RBMS3: variants seen among roughly 807,000 people sequenced by gnomAD.
RBMS3 encodes RNA binding motif single stranded interacting protein 3.
A neutral mutation model predicts 66.8 loss-of-function variants in RBMS3; 27 were observed. That is an observed-to-expected ratio of 0.40 (90% CI 0.30 to 0.56). The LOEUF is 0.56. Ranked by LOEUF, RBMS3 falls within the 20% of genes least tolerant of loss-of-function variation. The pLI, the probability that RBMS3 is intolerant of heterozygous loss-of-function variation, is 0.40. For missense variants in RBMS3, 513 were observed against 549.5 expected (o/e 0.93, Z 0.66); for synonymous variants, 188 against 183.0 (o/e 1.03, Z -0.22).
At chr3:29,749,597 G>A (rs1312086985) in intron 5 of RBMS3, among the ~76,000 whole-genome samples, 1 of 152,056 alleles carries the variant, frequency 6.6e-6, no homozygotes, top group African/African-American at 2.4e-5. Flanking sequence ...ATATGAATTG[G>A]GTAAAGTCCT....
chr3:29,391,560 A>G (rs1031634636), intron 1 of RBMS3, among the ~76,000 whole-genome samples: 1 of 152,206 alleles, frequency 6.6e-6, no homozygotes, highest in African/African-American at 2.4e-5. Context: ...TTAAAAAGCT[A>G]TTATAGTTAT....
intron 4 of RBMS3, among the ~76,000 whole-genome samples, chr3:29,610,511 C>T (rs1424561514): frequency 1.3e-5 from 2 of 151,976 alleles, no homozygotes; most frequent in African/African-American, 2.4e-5. Flanking sequence ...CTTCTTTGAG[C>T]CTTCCTTGAT....
At chr3:29,909,811 C>T (rs1900906) in intron 10 of RBMS3, among the ~76,000 whole-genome samples, 3,554 of 152,082 alleles carry the variant, frequency 0.023, 155 homozygotes, top group African/African-American at 0.082. Flanking sequence ...ATGTGGCCTA[C>T]CTTTCTGCAT....
At chr3:29,798,256 A>AAAGGG (rs1243557825) in intron 6 of RBMS3, among the ~76,000 whole-genome samples, 1,999 of 102,116 alleles carry the variant, frequency 0.02, 80 homozygotes, top group African/African-American at 0.06. Flanking sequence ...GGACAGAAGA[A>AAAGGG]AAGGGAAGGG....
chr3:29,377,277 G>A (rs1328199431), intron 1 of RBMS3, among the ~76,000 whole-genome samples: 2 of 152,122 alleles, frequency 1.3e-5, no homozygotes, highest in African/African-American at 2.4e-5. Flanking sequence ...GGAACCACTG[G>A]TTGTCAGATG....
intron 12 of RBMS3, among the ~76,000 whole-genome samples, chr3:29,978,990 G>T (rs1697784676): frequency 6.6e-6 from 1 of 152,014 alleles, no homozygotes; most frequent in Admixed American, 6.6e-5. Flanking sequence ...AGCATATCTA[G>T]GCATGGTGGT....
At chr3:29,723,897 T>A (rs921420373) in intron 4 of RBMS3, among the ~76,000 whole-genome samples, 2 of 152,100 alleles carry the variant, frequency 1.3e-5, no homozygotes, top group African/African-American at 4.8e-5. Context: ...TTCTGAATAA[T>A]AGCATTTATT....
In RBMS3 at chr3:29,438,954, C is replaced by T. The variant is rs146266244; in HGVS notation, c.248+4039C>T. 4.6e-5 allele frequency among the ~76,000 whole-genome samples: 7 copies of T among 152,038 alleles called. No individual in the cohort carries two copies. In the South Asian group the frequency reaches 1.0e-3, roughly 23 times the overall value. On this transcript the variant is annotated intron_variant, in intron 2 of 14. Coordinates refer to ENST00000383767, the MANE Select transcript of RBMS3 (RefSeq NM_001003793.3). Reference sequence around the variant, plus strand: ...AGCACAAGATTAGACCTAGTTAGGGCGATTAGCAAAGGTATCTCTGAGGAA... The same window carrying T: ...AGCACAAGATTAGACCTAGTTAGGGTGATTAGCAAAGGTATCTCTGAGGAA...
intron 3 of RBMS3, among the ~76,000 whole-genome samples, chr3:29,557,207 TA>T (rs2046396261): frequency 6.6e-6 from 1 of 152,242 alleles, no homozygotes; most frequent in South Asian, 2.1e-4. Flanking sequence ...TCTGAGTTAA[TA>T]AATCTTTTAA....
intron 6 of RBMS3, among the ~76,000 whole-genome samples, chr3:29,769,050 C>T (rs903590993): frequency 6.6e-6 from 1 of 151,742 alleles, no homozygotes; most frequent in Non-Finnish European, 1.5e-5. Flanking sequence ...TTTCATGGCC[C>T]AAATGTACTG....
intron 6 of RBMS3, among the ~76,000 whole-genome samples, chr3:29,775,010 G>A (rs953964504): frequency 6.6e-6 from 1 of 151,640 alleles, no homozygotes; most frequent in Non-Finnish European, 1.5e-5. Flanking sequence ...AGAGTGTAAA[G>A]AGGCCCTGAG....
chr3:29,383,800 C>T (rs910194241), intron 1 of RBMS3, among the ~76,000 whole-genome samples: 9 of 152,066 alleles, frequency 5.9e-5, no homozygotes, highest in Non-Finnish European at 5.9e-5. Flanking sequence ...GATCCTGGAT[C>T]GTAAGTTTTC....
At chr3:29,958,952 T>A (rs1359603325) in intron 12 of RBMS3, among the ~76,000 whole-genome samples, 1 of 152,192 alleles carries the variant, frequency 6.6e-6, no homozygotes, top group East Asian at 1.9e-4. Context: ...TGCAGTGAGT[T>A]CCCTTTACTA....
At chr3:29,948,657 A>T (rs1344136581) in intron 12 of RBMS3, among the ~76,000 whole-genome samples, 1 of 151,836 alleles carries the variant, frequency 6.6e-6, no homozygotes, top group Non-Finnish European at 1.5e-5. Context: ...ACACATTGTT[A>T]TGTGTTCCCA....
At chr3:29,988,783 G>T (rs987585060) in intron 13 of RBMS3, among the ~76,000 whole-genome samples, 1 of 151,202 alleles carries the variant, frequency 6.6e-6, no homozygotes, top group Non-Finnish European at 1.5e-5. Context: ...TCAGAAGGAA[G>T]AAAAGGAAAA....
intron 2 of RBMS3, among the ~76,000 whole-genome samples, chr3:29,472,982 C>T (rs1408580441): frequency 1.5e-5 from 1 of 68,226 alleles, no homozygotes; most frequent in Non-Finnish European, 2.9e-5. Flanking sequence ...TGTTTACAAT[C>T]CCTGAGCTAG....
chr3:29,962,067 T>A, intron 12 of RBMS3, among the ~76,000 whole-genome samples: 1 of 144,304 alleles, frequency 6.9e-6, no homozygotes, highest in South Asian at 2.1e-4. Flanking sequence ...TATAATATAT[T>A]ATTATATATT....
At chr3:29,640,877 G>C (rs1433285908) in intron 4 of RBMS3, among the ~76,000 whole-genome samples, 2 of 151,838 alleles carry the variant, frequency 1.3e-5, no homozygotes, top group Non-Finnish European at 2.9e-5. Context: ...GTTATTTACT[G>C]TCTCTACAGC....
At chr3:29,651,291 T>C (rs1384354606) in intron 4 of RBMS3, among the ~76,000 whole-genome samples, 2 of 152,166 alleles carry the variant, frequency 1.3e-5, no homozygotes, top group Non-Finnish European at 2.9e-5. Context: ...GCATCTAATA[T>C]TGCACTTAGA....
Sources: gnomAD v4.1 joint callset for allele counts (sites outside exome capture counted in the v4.1 genomes callset) on GRCh38, gnomAD v4.1.1 for gene constraint, MANE v1.5 for transcripts, NCBI Gene and HGNC (gene_info 2026-07-23, HGNC 2026-07-21) for gene names.